Variants in SGCZ observed in about 807,000 individuals in gnomAD.
SGCZ encodes the protein zeta-sarcoglycan.
SGCZ carries 40 observed loss-of-function variants against 41.3 expected under a neutral mutation model. The ratio of observed to expected loss-of-function variants is 0.97; its 90% CI spans 0.75 to 1.26. The LOEUF (loss-of-function observed/expected upper bound fraction) is 1.26, where lower values mean the gene tolerates loss of function less well. Ranked by LOEUF, SGCZ falls within the 50% of genes most tolerant of loss-of-function variation. The probability of loss-of-function intolerance (pLI) is 0.00; values close to 1 mark genes in which losing one functional copy is unlikely to be tolerated. For missense variants in SGCZ, 552 were observed against 369.8 expected (o/e 1.49, Z -4.04); for synonymous variants, 206 against 137.5 (o/e 1.50, Z -3.49).
chr8:14,868,486 T>C (rs186225774), intron 1 of SGCZ, among the ~76,000 whole-genome samples: 2 of 152,226 alleles, frequency 1.3e-5, no homozygotes, highest in East Asian at 1.9e-4. Context: ...TTTTGTGTTA[T>C]GAATAGAGAG....
At chr8:14,753,799 A>C (rs551262140) in intron 1 of SGCZ, among the ~76,000 whole-genome samples, 2 of 152,290 alleles carry the variant, frequency 1.3e-5, no homozygotes, top group African/African-American at 4.8e-5. Context: ...ATCTGGAATT[A>C]TTATTCTGGA....
At chr8:14,417,643 C>CAT (rs1799530572) in intron 2 of SGCZ, among the ~76,000 whole-genome samples, 1 of 151,534 alleles carries the variant, frequency 6.6e-6, no homozygotes, top group African/African-American at 2.4e-5. Flanking sequence ...ATAAAAATAA[C>CAT]GATACAGCAT....
At chr8:14,554,342 C>G (rs1028507216) in intron 2 of SGCZ, among the ~76,000 whole-genome samples, 1 of 151,930 alleles carries the variant, frequency 6.6e-6, no homozygotes, top group African/African-American at 2.4e-5. Context: ...TGAAGTAATT[C>G]AAAGGCACAT....
intron 1 of SGCZ, among the ~76,000 whole-genome samples, chr8:14,666,490 G>A (rs919611703): frequency 2.0e-5 from 3 of 152,122 alleles, no homozygotes; most frequent in Non-Finnish European, 4.4e-5. Flanking sequence ...TTAACAAACA[G>A]CAGGTTGAAG....
intron 5 of SGCZ, among the ~76,000 whole-genome samples, chr8:14,125,881 C>A (rs999333230): frequency 1.3e-5 from 2 of 152,158 alleles, no homozygotes; most frequent in African/African-American, 2.4e-5. Flanking sequence ...GAAAAGGATT[C>A]CCTATTCAAT....
At chr8:14,096,698 C>T (rs183524621) in intron 7 of SGCZ, among the ~76,000 whole-genome samples, 2 of 152,228 alleles carry the variant, frequency 1.3e-5, no homozygotes, top group East Asian at 3.9e-4. Context: ...CTTCTTTGTA[C>T]CTCTGGTAGA....
intron 1 of SGCZ, among the ~76,000 whole-genome samples, chr8:15,221,371 G>T (rs536633492): frequency 6.6e-6 from 1 of 152,046 alleles, no homozygotes; most frequent in Non-Finnish European, 1.5e-5. Flanking sequence ...TGAATAGCAC[G>T]GGATCCTAGA....
chr8:15,175,423 G>A (rs1398045149), intron 1 of SGCZ, among the ~76,000 whole-genome samples: 2 of 152,042 alleles, frequency 1.3e-5, no homozygotes, highest in East Asian at 1.9e-4. Context: ...TCCGTACCAA[G>A]CTAACACAGG....
intron 1 of SGCZ, among the ~76,000 whole-genome samples, chr8:14,562,747 G>T (rs894173704): frequency 1.3e-5 from 2 of 152,128 alleles, no homozygotes; most frequent in African/African-American, 2.4e-5. Flanking sequence ...ATGAGTGTCT[G>T]GGGGTCTTGT....
chr8:14,273,135 T>C (rs958412238), intron 3 of SGCZ, among the ~76,000 whole-genome samples: 1 of 152,038 alleles, frequency 6.6e-6, no homozygotes, highest in African/African-American at 2.4e-5. Context: ...TTTTCCTCAG[T>C]GGCAATAATT....
At chr8:14,911,804 A>T (rs1306781762) in intron 1 of SGCZ, among the ~76,000 whole-genome samples, 2 of 151,902 alleles carry the variant, frequency 1.3e-5, no homozygotes, top group Non-Finnish European at 2.9e-5. Context: ...CTCAAGTATT[A>T]ATTAGGTTCA....
At chr8:14,338,010 G>T (rs1428391833) in intron 2 of SGCZ, among the ~76,000 whole-genome samples, 1 of 152,136 alleles carries the variant, frequency 6.6e-6, no homozygotes, top group South Asian at 2.1e-4. Flanking sequence ...CTAAGAAAAT[G>T]TTTCTTCAAC....
At chr8:15,030,181 C>T (rs182832829) in intron 1 of SGCZ, among the ~76,000 whole-genome samples, 30 of 151,948 alleles carry the variant, frequency 2.0e-4, no homozygotes, top group African/African-American at 6.8e-4. Context: ...CCTTAAAGGG[C>T]GCTGAAAATA....
intron 1 of SGCZ, among the ~76,000 whole-genome samples, chr8:14,774,876 C>G (rs1800353276): frequency 1.3e-5 from 2 of 152,118 alleles, no homozygotes; most frequent in South Asian, 4.1e-4. Context: ...CTATTAAGTA[C>G]TCATTTAATT....
intron 1 of SGCZ, among the ~76,000 whole-genome samples, chr8:14,872,099 A>AT (rs913218380): frequency 3.3e-5 from 5 of 152,012 alleles, no homozygotes; most frequent in African/African-American, 1.2e-4. Flanking sequence ...GTTCTCACTA[A>AT]TAAGTGGGAG....
chr8:14,451,613 A>C (rs1800595508), intron 2 of SGCZ, among the ~76,000 whole-genome samples: 1 of 152,234 alleles, frequency 6.6e-6, no homozygotes, highest in African/African-American at 2.4e-5. Context: ...ACTGCTATTC[A>C]AAATATACGA....
intron 1 of SGCZ, among the ~76,000 whole-genome samples, chr8:15,173,308 T>C (rs1475733405): frequency 6.6e-6 from 1 of 152,208 alleles, no homozygotes; most frequent in Non-Finnish European, 1.5e-5. Context: ...GAATTTTTCA[T>C]CGTGCAATTT....
intron 1 of SGCZ, among the ~76,000 whole-genome samples, chr8:14,751,006 T>C (rs141545231): frequency 6.6e-5 from 10 of 152,314 alleles, no homozygotes; most frequent in African/African-American, 2.4e-4. Context: ...GAAAACTACA[T>C]TTCTTTGCTA....
chr8:15,048,014 G>T (rs957408505), intron 1 of SGCZ, among the ~76,000 whole-genome samples: 1 of 151,948 alleles, frequency 6.6e-6, no homozygotes, highest in Non-Finnish European at 1.5e-5. Context: ...CAATCAGTAT[G>T]CCAAAGAGAT....
Sources: allele counts gnomAD v4.1 joint callset (sites outside exome capture counted in the v4.1 genomes callset), GRCh38; gene constraint gnomAD v4.1.1; transcripts MANE v1.5; gene names NCBI Gene and HGNC (gene_info 2026-07-23, HGNC 2026-07-21).